Variants in ANKS1A observed in about 807,000 individuals in gnomAD.
ANKS1A encodes the protein ankyrin repeat and SAM domain-containing protein 1A.
In ANKS1A, 55 loss-of-function variants were observed where a neutral mutation model predicts 120.3. That is an observed-to-expected ratio of 0.46 (90% CI 0.37 to 0.57). The LOEUF (loss-of-function observed/expected upper bound fraction) is 0.57. ANKS1A is among the 20% of genes least tolerant of loss of function. ANKS1A has a pLI of 0.00. For missense variants in ANKS1A, 1,123 were observed against 1,480.3 expected (o/e 0.76, Z 3.96); for synonymous variants, 590 against 604.7 (o/e 0.98, Z 0.36).
intron 1 of ANKS1A, among the ~76,000 whole-genome samples, chr6:34,942,329 T>C (rs1769576680): frequency 6.6e-6 from 1 of 152,228 alleles, no homozygotes; most frequent in Admixed American, 6.5e-5. Flanking sequence ...GGAGATTTGC[T>C]GTGAACAGCC....
At chr6:35,046,625 A>G (rs1036783823) in intron 11 of ANKS1A, among the ~76,000 whole-genome samples, 6 of 152,112 alleles carry the variant, frequency 3.9e-5, no homozygotes, top group African/African-American at 1.2e-4. Flanking sequence ...CCATCTGTCT[A>G]CCCCTCAGTG....
In ANKS1A at chr6:35,006,530, G is replaced by GGATCAGGA. The variant is rs1169498288; in HGVS notation, c.1424-10931_1424-10924dup. The stretch of plus-strand genomic sequence containing the variant: ...AGCACTTTGGGAGGCCGAGGCGGGT[G>GGATCAGGA]GATCAGGAGATCAGGAGATGGAGAC... On this transcript the variant is annotated intron_variant, in intron 10 of 23. Coordinates refer to ENST00000360359, the MANE Select transcript of ANKS1A (RefSeq NM_015245.3). Among the ~76,000 whole-genome samples the GGATCAGGA allele has an allele frequency of 1.1e-3, 174 of 152,064 alleles. 1 individual carries two copies. The highest frequency in any genetic ancestry group is 6.8e-3 in the Middle Eastern group (2 of 294).
Position 35,089,289 on chromosome 6 carries a change from G to A in ANKS1A, c.*680G>A, listed in dbSNP as rs1347688649. 10 of 987,560 alleles carry A rather than the reference G, an allele frequency of 1.0e-5. No homozygotes were observed. The highest frequency in any genetic ancestry group is 1.2e-5 in the Non-Finnish European group (10 of 831,300). The allele number at this position is 987,560 out of a possible 1,614,324, so 61.2% of individuals were successfully genotyped here. On this transcript the variant is annotated 3_prime_UTR_variant, in exon 24 of 24. Coordinates refer to ENST00000360359, the MANE Select transcript of ANKS1A (RefSeq NM_015245.3). ...CCGGTCCATTTCTGGGGTTCCCGAT[G>A]GGAAGGTTCAGTGGCCAAATGAAGA...
In ANKS1A at chr6:34,903,482, G is replaced by A. The variant is rs190906440; in HGVS notation, c.197+13883G>A. On this transcript the variant is annotated intron_variant, in intron 1 of 23. Transcript: ENST00000360359. ...TAGGACTACAGGCATGCACCACCAA[G>A]TTTGCCTAATTTTGTTTGTTTGTTT... 1.9e-3 allele frequency among the ~76,000 whole-genome samples: 282 copies of A among 151,400 alleles called. 1 individual carries two copies. The highest frequency in any genetic ancestry group is 6.4e-3 in the African/African-American group (265 of 41,240).
chr6:35,023,559 G>T (rs948068465), intron 11 of ANKS1A: 1 of 435,636 alleles, frequency 2.3e-6, no homozygotes, highest in South Asian at 1.8e-5. Flanking sequence ...TTCACTCTTT[G>T]ACTGAATATT....
intron 10 of ANKS1A, among the ~76,000 whole-genome samples, chr6:35,017,033 A>G (rs1008719516): frequency 1.4e-5 from 2 of 147,374 alleles, no homozygotes; most frequent in South Asian, 4.3e-4. Context: ...AATGTATCAG[A>G]TGTTCCAGGA....
intron 11 of ANKS1A, among the ~76,000 whole-genome samples, chr6:35,039,126 G>T (rs1431903688): frequency 2.0e-5 from 3 of 147,256 alleles, no homozygotes; most frequent in East Asian, 2.0e-4. Flanking sequence ...TCATGTGTAA[G>T]TTCATGTGAT....
intron 11 of ANKS1A, among the ~76,000 whole-genome samples, chr6:35,045,838 C>G (rs1336792978): frequency 2.6e-5 from 4 of 152,166 alleles, no homozygotes; most frequent in Non-Finnish European, 5.9e-5. Context: ...CTGAAAGAAC[C>G]CAGCCCAGGA....
At chr6:34,909,962 G>A (rs1561841996) in intron 1 of ANKS1A, among the ~76,000 whole-genome samples, 1 of 152,218 alleles carries the variant, frequency 6.6e-6, no homozygotes, top group Admixed American at 6.5e-5. Context: ...AGGGAGAGGG[G>A]TTCTGTGGAG....
downstream of ANKS1A, among the ~76,000 whole-genome samples, chr6:35,092,844 T>C (rs972076917): frequency 6.6e-6 from 1 of 152,162 alleles, no homozygotes; most frequent in African/African-American, 2.4e-5. Flanking sequence ...CCTTCACAGA[T>C]GCTCAGGCTC....
chr6:34,991,785 T>C (rs1209136077), intron 9 of ANKS1A, among the ~76,000 whole-genome samples: 12 of 140,614 alleles, frequency 8.5e-5, no homozygotes, highest in African/African-American at 3.1e-4. Context: ...TATACACACA[T>C]ATATATATAC....
chr6:34,904,600 C>T (rs866770194), intron 1 of ANKS1A, among the ~76,000 whole-genome samples: 86 of 152,144 alleles, frequency 5.7e-4, no homozygotes, highest in African/African-American at 2.0e-3. Flanking sequence ...TGTGTGGTGG[C>T]GCACGCCTGC....
chr6:34,909,636 A>G (rs1767813032), intron 1 of ANKS1A, among the ~76,000 whole-genome samples: 1 of 152,238 alleles, frequency 6.6e-6, no homozygotes, highest in Non-Finnish European at 1.5e-5. Context: ...TAGAGAGAAA[A>G]GAAGTCTCAA....
In ANKS1A at chr6:34,998,733, C is replaced by T. The variant is rs1191176248; in HGVS notation, c.1423+4311C>T. ...ACAGGAATTGCTCACTCGGGGAGCTCGGATTTTAAGACACTAGCCTGCTGA... is the reference window on the plus strand; with the variant it reads ...ACAGGAATTGCTCACTCGGGGAGCTTGGATTTTAAGACACTAGCCTGCTGA... On this transcript the variant is annotated intron_variant, in intron 10 of 23. Coordinates refer to ENST00000360359, the MANE Select transcript of ANKS1A (RefSeq NM_015245.3). Among the ~76,000 whole-genome samples, 17 of 152,112 alleles carry T rather than the reference C, an allele frequency of 1.1e-4. No homozygotes were observed. The East Asian group carries it at 1.7e-3, about 15-fold the overall frequency.
intron 12 of ANKS1A, among the ~76,000 whole-genome samples, chr6:35,056,715 TAGTCC>T (rs1445741494): frequency 1.3e-5 from 2 of 152,122 alleles, no homozygotes; most frequent in African/African-American, 4.8e-5. Context: ...CCATCCTCTA[TAGTCC>T]AGCTTGGGAA....
intron 9 of ANKS1A, among the ~76,000 whole-genome samples, chr6:34,991,246 G>A (rs1297798465): frequency 4.6e-5 from 7 of 152,112 alleles, no homozygotes; most frequent in Non-Finnish European, 1.0e-4. Flanking sequence ...TTAATGACCT[G>A]ATCATGAAAC....
chr6:35,053,856 G>C (rs576432178), intron 11 of ANKS1A, among the ~76,000 whole-genome samples: 52 of 152,350 alleles, frequency 3.4e-4, no homozygotes, highest in African/African-American at 1.3e-3. Context: ...ATTTCTAGCA[G>C]CTAAGCCCAG....
At chr6:34,979,577 AGTTTTTTT>A (rs1283762429) in intron 3 of ANKS1A, among the ~76,000 whole-genome samples, 38 of 151,924 alleles carry the variant, frequency 2.5e-4, no homozygotes, top group Admixed American at 7.9e-4. Flanking sequence ...AATAGAGAAA[AGTTTTTTT>A]GTTTTTTTGG....
Position 35,088,897 on chromosome 6 carries a change from C to A in ANKS1A, c.*288C>A, listed in dbSNP as rs1465246336. The stretch of plus-strand genomic sequence containing the variant: ...ACATTGTTTTTAACAGAAAAAAAAT[C>A]TTTTTATAAAATGAACTTTTAACAC... On this transcript the variant is annotated 3_prime_UTR_variant, in exon 24 of 24. Transcript: ENST00000360359. 38 of 1,401,686 alleles carry A rather than the reference C, an allele frequency of 2.7e-5. No individual in the cohort carries two copies. Among genetic ancestry groups the A allele is most frequent in the Non-Finnish European group, 3.0e-5 (32 of 1,079,532 alleles). The allele number at this position is 1,401,686 out of a possible 1,614,324, so 86.8% of individuals were successfully genotyped here.
Sources: gnomAD v4.1 joint callset for allele counts (sites outside exome capture counted in the v4.1 genomes callset) on GRCh38, gnomAD v4.1.1 for gene constraint, MANE v1.5 for transcripts, NCBI Gene and HGNC (gene_info 2026-07-23, HGNC 2026-07-21) for gene names.